STPG2: variants seen among roughly 807,000 people sequenced by gnomAD.
STPG2 encodes the protein sperm-tail PG-rich repeat-containing protein 2.
A neutral mutation model predicts 54.2 loss-of-function variants in STPG2; 56 were observed. That is an observed-to-expected ratio of 1.03 (90% CI 0.83 to 1.29). The LOEUF (loss-of-function observed/expected upper bound fraction) is 1.29. STPG2 is among the 50% of genes most tolerant of loss of function. The probability of loss-of-function intolerance (pLI) is 0.00; values close to 1 mark genes in which losing one functional copy is unlikely to be tolerated. For synonymous variants in STPG2, 200 were observed against 181.8 expected (o/e 1.10, Z -0.81); for missense variants, 596 against 544.9 (o/e 1.09, Z -0.93).
chr4:98,035,453 C>T (rs1398245102), intron 5 of STPG2, among the ~76,000 whole-genome samples: 1 of 151,594 alleles, frequency 6.6e-6, no homozygotes, highest in Non-Finnish European at 1.5e-5. Flanking sequence ...GAAACAGATG[C>T]TGGAGAGGAT....
At chr4:97,997,819 G>A (rs186990965) in intron 5 of STPG2, among the ~76,000 whole-genome samples, 42 of 151,980 alleles carry the variant, frequency 2.8e-4, no homozygotes, top group Non-Finnish European at 4.1e-4. Context: ...GAATACATAC[G>A]GACACAAAAA....
intron 4 of STPG2, among the ~76,000 whole-genome samples, chr4:97,499,136 A>G (rs2148832032): frequency 6.6e-6 from 1 of 152,136 alleles, no homozygotes; most frequent in South Asian, 2.1e-4. Flanking sequence ...AATATCAGTG[A>G]GAAAGTATCA....
At chr4:97,896,070 T>C (rs1235352865) in intron 8 of STPG2, among the ~76,000 whole-genome samples, 1 of 151,834 alleles carries the variant, frequency 6.6e-6, no homozygotes, top group Non-Finnish European at 1.5e-5. Context: ...TGTCATCTCC[T>C]GCAGGAAGGC....
At chr4:97,879,820 G>A (rs915215455) in intron 8 of STPG2, among the ~76,000 whole-genome samples, 1 of 152,110 alleles carries the variant, frequency 6.6e-6, no homozygotes, top group Non-Finnish European at 1.5e-5. Context: ...TCAAGGTGAG[G>A]AAAAGGGAAC....
intron 9 of STPG2, among the ~76,000 whole-genome samples, chr4:97,839,133 T>C (rs1241194365): frequency 1.3e-5 from 2 of 151,598 alleles, no homozygotes; most frequent in African/African-American, 4.8e-5. Flanking sequence ...TGGCTTAACA[T>C]TAGGAAGAAA....
chr4:97,634,751 T>C (rs1162927184), intron 10 of STPG2, among the ~76,000 whole-genome samples: 2 of 150,588 alleles, frequency 1.3e-5, no homozygotes, highest in Non-Finnish European at 3.0e-5. Flanking sequence ...CAATGGAAGA[T>C]GAAATGAATG....
intron 8 of STPG2, among the ~76,000 whole-genome samples, chr4:97,868,213 T>C (rs1729861455): frequency 6.6e-6 from 1 of 151,972 alleles, no homozygotes; most frequent in Non-Finnish European, 1.5e-5. Context: ...ATTTGCATAG[T>C]TTTTATCTGA....
chr4:97,462,265 CTTTATT>C (rs1428970694), intron 4 of STPG2, among the ~76,000 whole-genome samples: 1 of 151,868 alleles, frequency 6.6e-6, no homozygotes, highest in Non-Finnish European at 1.5e-5. Flanking sequence ...CCATTGGTCT[CTTTATT>C]TTTATGTCAA....
intron 10 of STPG2, among the ~76,000 whole-genome samples, chr4:97,676,573 G>A (rs371489332): frequency 7.7e-5 from 8 of 104,006 alleles, no homozygotes; most frequent in Admixed American, 2.1e-4. Context: ...AAGGAAGGAA[G>A]GAAAGGAGGG....
chr4:97,698,018 T>C (rs1723640519), intron 10 of STPG2, among the ~76,000 whole-genome samples: 1 of 152,196 alleles, frequency 6.6e-6, no homozygotes, highest in Admixed American at 6.5e-5. Context: ...CTCTGAAGGC[T>C]GCCAGCCCCC....
intron 5 of STPG2, among the ~76,000 whole-genome samples, chr4:98,017,860 A>AGCCT (rs1454446072): frequency 3.3e-5 from 5 of 152,112 alleles, no homozygotes; most frequent in Admixed American, 6.6e-5. Context: ...GTGGCAGTTT[A>AGCCT]GCCTGCATTC....
intron 9 of STPG2, among the ~76,000 whole-genome samples, chr4:97,757,580 T>C (rs1443752968): frequency 2.6e-5 from 4 of 152,154 alleles, no homozygotes; most frequent in Non-Finnish European, 4.4e-5. Context: ...CTAATCTGAA[T>C]ATATATCCGT....
At chr4:97,845,364 T>C (rs1344365749) in intron 8 of STPG2, among the ~76,000 whole-genome samples, 1 of 152,140 alleles carries the variant, frequency 6.6e-6, no homozygotes, top group East Asian at 1.9e-4. Flanking sequence ...TCATTTTTTC[T>C]TAGTAAGCAA....
intron 10 of STPG2, among the ~76,000 whole-genome samples, chr4:97,608,078 A>G (rs535575519): frequency 2.6e-5 from 4 of 152,160 alleles, no homozygotes; most frequent in African/African-American, 4.8e-5. Flanking sequence ...GTTAAAGGAA[A>G]AGAGATAGCA....
intron 8 of STPG2, among the ~76,000 whole-genome samples, chr4:97,905,081 A>G (rs1202167219): frequency 2.0e-5 from 3 of 151,988 alleles, no homozygotes; most frequent in Admixed American, 6.6e-5. Flanking sequence ...GCAGGCCAAC[A>G]TTCAGATTCA....
At chr4:97,681,175 T>A (rs955434795) in intron 10 of STPG2, among the ~76,000 whole-genome samples, 6 of 151,930 alleles carry the variant, frequency 3.9e-5, no homozygotes, top group African/African-American at 1.2e-4. Flanking sequence ...ATGAAAATTT[T>A]TTTAAAAGTG....
chr4:97,869,879 C>T (rs1006467569), intron 8 of STPG2, among the ~76,000 whole-genome samples: 1 of 151,520 alleles, frequency 6.6e-6, no homozygotes, highest in African/African-American at 2.4e-5. Flanking sequence ...GTCATCTTCT[C>T]ACCAATAATA....
chr4:98,130,301 AAGT>A (rs1424367530), intron 2 of STPG2, among the ~76,000 whole-genome samples: 1 of 151,952 alleles, frequency 6.6e-6, no homozygotes, highest in Non-Finnish European at 1.5e-5. Flanking sequence ...TCAGCCTCCC[AAGT>A]AGCTGGGATT....
intron 9 of STPG2, among the ~76,000 whole-genome samples, chr4:97,715,779 C>A (rs1365376840): frequency 6.6e-6 from 1 of 152,084 alleles, no homozygotes; most frequent in African/African-American, 2.4e-5. Context: ...AGGACATAGG[C>A]ATGGGCAAAG....
Sources: allele counts gnomAD v4.1 joint callset (sites outside exome capture counted in the v4.1 genomes callset), GRCh38; gene constraint gnomAD v4.1.1; transcripts MANE v1.5; gene names NCBI Gene and HGNC (gene_info 2026-07-23, HGNC 2026-07-21).